CNTNAP2: variants seen among roughly 807,000 people sequenced by gnomAD.
The protein encoded by CNTNAP2 is contactin associated protein 2.
CNTNAP2 carries 98 observed loss-of-function variants against 155.2 expected under a neutral mutation model. The observed-to-expected ratio is 0.63, with a 90% CI of 0.54 to 0.75. The LOEUF is 0.75. CNTNAP2 is among the 30% of genes least tolerant of loss of function. The probability of loss-of-function intolerance (pLI) is 0.00; values close to 1 mark genes in which losing one functional copy is unlikely to be tolerated. For synonymous variants in CNTNAP2, 651 were observed against 631.2 expected, an observed-to-expected ratio of 1.03 and a Z score of -0.47; for missense variants, 1,727 against 1,688.1, an observed-to-expected ratio of 1.02 and a Z score of -0.40.
chr7:147,264,064 A>G (rs1489360590), intron 8 of CNTNAP2, among the ~76,000 whole-genome samples: 2 of 152,230 alleles, frequency 1.3e-5, no homozygotes, highest in African/African-American at 4.8e-5. Flanking sequence ...TGTTTGCTTT[A>G]TTTGACTGCT....
At chr7:147,772,250 T>G (rs1354811586) in intron 13 of CNTNAP2, among the ~76,000 whole-genome samples, 1 of 150,936 alleles carries the variant, frequency 6.6e-6, no homozygotes, top group Non-Finnish European at 1.5e-5. Flanking sequence ...ATAGTGAAAT[T>G]GCGTCTCTAC....
At chr7:147,928,006 A>G (rs1191933057) in intron 14 of CNTNAP2, among the ~76,000 whole-genome samples, 1 of 152,188 alleles carries the variant, frequency 6.6e-6, no homozygotes, top group Non-Finnish European at 1.5e-5. Flanking sequence ...GTGGGAGATC[A>G]TTGAATTATG....
chr7:147,815,810 A>T (rs1361096175), intron 13 of CNTNAP2, among the ~76,000 whole-genome samples: 1 of 152,192 alleles, frequency 6.6e-6, no homozygotes, highest in Non-Finnish European at 1.5e-5. Flanking sequence ...GCACAAAAGC[A>T]CTTGTACAAA....
intron 1 of CNTNAP2, among the ~76,000 whole-genome samples, chr7:146,418,212 G>A (rs1292946942): frequency 2.6e-5 from 4 of 152,322 alleles, no homozygotes; most frequent in African/African-American, 7.2e-5. Flanking sequence ...TGAGTTCTGT[G>A]TGCGTGAATG....
chr7:146,320,453 G>A (rs1339143447), intron 1 of CNTNAP2, among the ~76,000 whole-genome samples: 1 of 152,134 alleles, frequency 6.6e-6, no homozygotes, highest in Non-Finnish European at 1.5e-5. Context: ...TTATACATAA[G>A]AAGAAGAAAA....
intron 1 of CNTNAP2, among the ~76,000 whole-genome samples, chr7:146,441,652 C>T (rs757407158): frequency 8.6e-5 from 13 of 151,438 alleles, no homozygotes; most frequent in Admixed American, 2.0e-4. Context: ...TCTTGAATCT[C>T]GCATTCCTCT....
intron 8 of CNTNAP2, among the ~76,000 whole-genome samples, chr7:147,272,806 C>T (rs1158474934): frequency 2.0e-5 from 3 of 152,060 alleles, no homozygotes; most frequent in Non-Finnish European, 4.4e-5. Context: ...TGCGCCTGGC[C>T]ATGTATTCCA....
At chr7:147,411,025 A>G (rs1280565646) in intron 10 of CNTNAP2, among the ~76,000 whole-genome samples, 1 of 152,172 alleles carries the variant, frequency 6.6e-6, no homozygotes, top group Non-Finnish European at 1.5e-5. Flanking sequence ...GTTGTCCTTT[A>G]TAACTGTTTT....
chr7:147,927,484 AACTG>A (rs1217933688), intron 14 of CNTNAP2, among the ~76,000 whole-genome samples: 1 of 152,222 alleles, frequency 6.6e-6, no homozygotes, highest in Non-Finnish European at 1.5e-5. Context: ...TTGTCAAGAT[AACTG>A]ATGTACTCCG....
intron 1 of CNTNAP2, among the ~76,000 whole-genome samples, chr7:146,415,677 A>C (rs1387640850): frequency 6.6e-6 from 1 of 151,888 alleles, no homozygotes; most frequent in Non-Finnish European, 1.5e-5. Flanking sequence ...TCTACATCTT[A>C]TCTTCCTTAT....
intron 1 of CNTNAP2, among the ~76,000 whole-genome samples, chr7:146,752,788 T>C (rs1285226493): frequency 2.0e-5 from 3 of 152,208 alleles, no homozygotes; most frequent in Non-Finnish European, 2.9e-5. Context: ...CTTGAGTTAA[T>C]TTTTGTATGA....
At chr7:147,286,314 T>G (rs1255561443) in intron 8 of CNTNAP2, among the ~76,000 whole-genome samples, 1 of 152,042 alleles carries the variant, frequency 6.6e-6, no homozygotes, top group East Asian at 1.9e-4. Context: ...ATAATAATAA[T>G]GAAAACTTAT....
intron 1 of CNTNAP2, among the ~76,000 whole-genome samples, chr7:146,515,994 T>C (rs1797535389): frequency 6.6e-6 from 1 of 152,098 alleles, no homozygotes; most frequent in Non-Finnish European, 1.5e-5. Context: ...TAATGACAGC[T>C]TGAATCACCT....
At chr7:147,247,881 C>T (rs1316821395) in intron 8 of CNTNAP2, among the ~76,000 whole-genome samples, 2 of 151,760 alleles carry the variant, frequency 1.3e-5, no homozygotes, top group African/African-American at 4.8e-5. Context: ...ACGTTTTATG[C>T]TTACGTTTAG....
chr7:146,416,421 A>G (rs964114831), intron 1 of CNTNAP2, among the ~76,000 whole-genome samples: 3 of 152,082 alleles, frequency 2.0e-5, no homozygotes, highest in Non-Finnish European at 4.4e-5. Flanking sequence ...CTGAGAGGTC[A>G]CCACATTGAT....
At chr7:148,305,222 CAAAAAAAAAAAAA>C (rs34005083) in intron 21 of CNTNAP2, among the ~76,000 whole-genome samples, 24 of 51,938 alleles carry the variant, frequency 4.6e-4, no homozygotes, top group South Asian at 2.2e-3. Context: ...GGCCCTGTCT[CAAAAAAAAAAAAA>C]AAAAAAAAAA....
At chr7:146,324,875 T>C (rs147678971) in intron 1 of CNTNAP2, among the ~76,000 whole-genome samples, 84 of 152,198 alleles carry the variant, frequency 5.5e-4, no homozygotes, top group African/African-American at 1.8e-3. Context: ...AATTTTAGTA[T>C]AAGAAAATAG....
At chr7:148,209,361 A>G (rs1795505434) in intron 18 of CNTNAP2, among the ~76,000 whole-genome samples, 1 of 146,220 alleles carries the variant, frequency 6.8e-6, no homozygotes, top group Non-Finnish European at 1.5e-5. Flanking sequence ...CTTAAACTCC[A>G]GGGCTCAAGC....
At chr7:146,675,747 C>A (rs1216358554) in intron 1 of CNTNAP2, among the ~76,000 whole-genome samples, 2 of 151,234 alleles carry the variant, frequency 1.3e-5, no homozygotes, top group Non-Finnish European at 2.9e-5. Context: ...TTTGTTATAA[C>A]ATTGACTTTT....
Sources: allele counts gnomAD v4.1 joint callset (sites outside exome capture counted in the v4.1 genomes callset), GRCh38; gene constraint gnomAD v4.1.1; transcripts MANE v1.5; gene names NCBI Gene and HGNC (gene_info 2026-07-23, HGNC 2026-07-21).